TRAPPC9: variants seen among roughly 807,000 people sequenced by gnomAD.
TRAPPC9 encodes the protein trafficking protein particle complex subunit 9, also known as IKK2 binding protein.
A neutral mutation model predicts 124.0 loss-of-function variants in TRAPPC9; 83 were observed. The observed-to-expected ratio is 0.67, with a 90% CI of 0.56 to 0.80. The LOEUF (loss-of-function observed/expected upper bound fraction) is 0.80. Ranked by LOEUF, TRAPPC9 falls within the 30% of genes least tolerant of loss-of-function variation. The pLI, the probability that TRAPPC9 is intolerant of heterozygous loss-of-function variation, is 0.00. For synonymous variants in TRAPPC9, 638 were observed against 617.5 expected, an observed-to-expected ratio of 1.03 and a Z score of -0.49; for missense variants, 1,302 against 1,508.3, an observed-to-expected ratio of 0.86 and a Z score of 2.27.
intron 17 of TRAPPC9, among the ~76,000 whole-genome samples, chr8:140,152,235 TAA>T (rs71320343): frequency 5.2e-4 from 55 of 106,690 alleles, no homozygotes; most frequent in Middle Eastern, 5.5e-3. Context: ...ACTTAAGCTT[TAA>T]AAAAAAAAAA....
At chr8:139,994,378 A>G (rs1479259887) in intron 18 of TRAPPC9, among the ~76,000 whole-genome samples, 1 of 152,248 alleles carries the variant, frequency 6.6e-6, no homozygotes, top group Admixed American at 6.5e-5. Context: ...TCTTTCCCTC[A>G]CTAGTCAAGC....
rs1263674392 is a variant in TRAPPC9 at position 139,776,193 on chromosome 8, C to T, written c.3056-43991G>A. On this transcript the variant is annotated intron_variant, in intron 21 of 22. Transcript: ENST00000438773. This position sits in a 1 kb window ranked among gnomAD's most constrained non-coding sequence, Gnocchi z 4.1. ...CAGCCTCAGTCTCTGGGCTCCCCGA[C>T]AGGGTTCCTTCCATCCTGCAGGCCT... Among the ~76,000 whole-genome samples, 1 of 152,238 alleles carries T rather than the reference C, an allele frequency of 6.6e-6. No homozygotes were observed. The highest frequency in any genetic ancestry group is 1.5e-5 in the Non-Finnish European group (1 of 68,046).
chr8:140,143,759 C>G (rs969046794), intron 17 of TRAPPC9, among the ~76,000 whole-genome samples: 2 of 152,186 alleles, frequency 1.3e-5, no homozygotes, highest in Admixed American at 6.5e-5. Flanking sequence ...AACCAAATGT[C>G]CCAGCATCTT....
At chr8:140,287,893 C>A (rs1382187605) in intron 12 of TRAPPC9, among the ~76,000 whole-genome samples, 159 bp from the exon 13 acceptor site, 1 of 152,168 alleles carries the variant, frequency 6.6e-6, no homozygotes, top group African/African-American at 2.4e-5. Context: ...TACAGTGTAA[C>A]ACAAAACCAC....
chr8:140,147,275 C>T (rs972791161), intron 17 of TRAPPC9, among the ~76,000 whole-genome samples: 1 of 152,216 alleles, frequency 6.6e-6, no homozygotes, highest in African/African-American at 2.4e-5. Context: ...GAACCTCTTT[C>T]GATGTCTGGA....
In TRAPPC9 at chr8:140,181,171, T is replaced by C. The variant is rs929773542; in HGVS notation, c.2556+40288A>G. On this transcript the variant is annotated intron_variant, in intron 17 of 22. Transcript: ENST00000438773. ...CCCTAAGCTCTATCTTCCAAATTAC[T>C]CTGTCTTCAATTGCATCTAGTCTCT... Among the ~76,000 whole-genome samples, 6 of 152,216 alleles carry C rather than the reference T, an allele frequency of 3.9e-5. No homozygotes were observed. The East Asian group carries it at 9.6e-4, about 24-fold the overall frequency.
At chr8:140,214,347 A>G (rs2063140090) in intron 17 of TRAPPC9, among the ~76,000 whole-genome samples, 1 of 152,328 alleles carries the variant, frequency 6.6e-6, no homozygotes, top group South Asian at 2.1e-4. Context: ...TGATGTGGGC[A>G]AAGACCAGAC....
intron 16 of TRAPPC9, among the ~76,000 whole-genome samples, chr8:140,235,211 G>C (rs1388759485): frequency 6.6e-6 from 1 of 152,214 alleles, no homozygotes; most frequent in Non-Finnish European, 1.5e-5. Context: ...GACCTCAGGT[G>C]ATCCACCTGC....
intron 17 of TRAPPC9, among the ~76,000 whole-genome samples, chr8:140,047,520 G>A (rs571968697): frequency 5.3e-5 from 8 of 152,316 alleles, no homozygotes; most frequent in Admixed American, 4.6e-4. Flanking sequence ...TGACTGCCTC[G>A]GGATATAGGG....
At chr8:140,292,636 T>C in intron 11 of TRAPPC9, among the ~76,000 whole-genome samples, 1 of 152,112 alleles carries the variant, frequency 6.6e-6, no homozygotes, top group African/African-American at 2.4e-5. Context: ...ATTTAATAAA[T>C]GGTGCTGGGA....
intron 8 of TRAPPC9, among the ~76,000 whole-genome samples, chr8:140,366,730 A>G (rs1332891205): frequency 6.6e-6 from 1 of 152,244 alleles, no homozygotes; most frequent in Non-Finnish European, 1.5e-5. Flanking sequence ...GATAAGCTAG[A>G]CTTCGTTAAA....
At chr8:140,258,575 A>G (rs2064325212) in intron 15 of TRAPPC9, among the ~76,000 whole-genome samples, 1 of 152,258 alleles carries the variant, frequency 6.6e-6, no homozygotes, top group Non-Finnish European at 1.5e-5. Context: ...ACCTGACCCC[A>G]AAATGGAAGC....
At chr8:140,024,683 G>T (rs1199263474) in intron 17 of TRAPPC9, among the ~76,000 whole-genome samples, 1 of 152,054 alleles carries the variant, frequency 6.6e-6, no homozygotes, top group Non-Finnish European at 1.5e-5. Flanking sequence ...AGGCGTGTGG[G>T]ATGACAGGCG....
rs1358356517 is a variant in TRAPPC9, at chr8:140,399,072, T to C, written c.1009-1327A>G. Among the ~76,000 whole-genome samples the C allele has an allele frequency of 3.3e-5, 5 of 152,318 alleles. No homozygotes were observed. In the East Asian group the frequency reaches 9.7e-4, roughly 29 times the overall value. On this transcript the variant is annotated intron_variant, in intron 6 of 22. Transcript: ENST00000438773. ...GCCCCAAGCCTTGGCAGCTTCCATG[T>C]GGTGTTGAGTGTGTGGGTGCACCGA...
intron 6 of TRAPPC9, among the ~76,000 whole-genome samples, chr8:140,404,806 ACATGTGTGTATGTG>A (rs2069421112): frequency 6.8e-6 from 1 of 147,378 alleles, no homozygotes; most frequent in African/African-American, 2.5e-5. Context: ...GTGTGTGTGA[ACATGTGTGTATGTG>A]CATGTGTGTG....
At chr8:139,817,114 C>T (rs1280452059) in intron 21 of TRAPPC9, among the ~76,000 whole-genome samples, 4 of 143,004 alleles carry the variant, frequency 2.8e-5, no homozygotes, top group Non-Finnish European at 6.0e-5. Context: ...CAGGGTGCTG[C>T]AGGCTGGGCC....
At chr8:140,301,993 G>A (rs1439633530) in intron 10 of TRAPPC9, among the ~76,000 whole-genome samples, 2 of 152,214 alleles carry the variant, frequency 1.3e-5, no homozygotes, top group Non-Finnish European at 2.9e-5. Context: ...AGTAAATCAC[G>A]AAGATTTCAG....
chr8:139,922,604 C>T (rs920665721), intron 19 of TRAPPC9, among the ~76,000 whole-genome samples: 12 of 152,260 alleles, frequency 7.9e-5, no homozygotes, highest in African/African-American at 2.7e-4. Context: ...TCCAGACAGG[C>T]ATGGCTGGCA....
At chr8:139,743,748 G>T (rs550496719) in intron 21 of TRAPPC9, among the ~76,000 whole-genome samples, 4 of 152,152 alleles carry the variant, frequency 2.6e-5, no homozygotes, top group Non-Finnish European at 5.9e-5. Flanking sequence ...CCTGTGGGGT[G>T]GGGGGCAGGC....
Sources: allele counts gnomAD v4.1 joint callset (sites outside exome capture counted in the v4.1 genomes callset), GRCh38; gene constraint gnomAD v4.1.1; non-coding constraint Gnocchi (gnomAD v3.1); transcripts MANE v1.5; gene names NCBI Gene and HGNC (gene_info 2026-07-23, HGNC 2026-07-21).